Variants in CFAP77 observed in about 807,000 individuals in gnomAD.
CFAP77 encodes cilia and flagella associated protein 77.
A neutral mutation model predicts 31.1 loss-of-function variants in CFAP77; 25 were observed. The ratio of observed to expected loss-of-function variants is 0.80; its 90% CI spans 0.59 to 1.12. The LOEUF (loss-of-function observed/expected upper bound fraction) is 1.12, where lower values mean the gene tolerates loss of function less well. CFAP77 is among the 50% of genes most tolerant of loss of function. CFAP77 has a pLI of 0.00. For missense variants in CFAP77, 377 were observed against 397.3 expected (o/e 0.95, Z 0.44); for synonymous variants, 151 against 159.9 (o/e 0.94, Z 0.42).
At chr9:132,467,875 GT>G (rs988789360) in intron 1 of CFAP77, among the ~76,000 whole-genome samples, 3 of 151,982 alleles carry the variant, frequency 2.0e-5, no homozygotes, top group Non-Finnish European at 2.9e-5. Flanking sequence ...TCTGGGTTTG[GT>G]TTTTTTCTTT....
intron 5 of CFAP77, among the ~76,000 whole-genome samples, chr9:132,549,086 A>C (rs1852781876): frequency 6.6e-6 from 1 of 152,140 alleles, no homozygotes; most frequent in South Asian, 2.1e-4. Context: ...GAATCTAAGA[A>C]AAGGATTTTC....
rs1852029273 is a variant in CFAP77 at position 132,511,092 on chromosome 9, T to G, written c.524+11492T>G. Among the ~76,000 whole-genome samples, 1 of 152,106 alleles carries G rather than the reference T, an allele frequency of 6.6e-6. No homozygotes were observed. Among genetic ancestry groups the G allele is most frequent in the Non-Finnish European group, 1.5e-5 (1 of 68,018 alleles). ...GCATTGTGGTGCTGGGTGTTTGGGA[T>G]ACAGAGAAAATAAAACACAAAACAA... On this transcript the variant is annotated intron_variant, in intron 3 of 5. Coordinates refer to ENST00000393216, the MANE Select transcript of CFAP77 (RefSeq NM_001282957.2). The surrounding 1 kb of genome is among the most constrained non-coding windows in gnomAD (Gnocchi z 5.8).
intron 3 of CFAP77, among the ~76,000 whole-genome samples, chr9:132,514,961 C>A (rs1037913404): frequency 2.6e-5 from 4 of 152,172 alleles, no homozygotes; most frequent in Non-Finnish European, 4.4e-5. Flanking sequence ...GAGCTCAGCC[C>A]CCCAGCCCGC....
chr9:132,425,985 G>A (rs1850305844), intron 1 of CFAP77, among the ~76,000 whole-genome samples: 1 of 152,146 alleles, frequency 6.6e-6, no homozygotes, highest in Non-Finnish European at 1.5e-5. Context: ...TTATACCATT[G>A]AAAATCTACA....
At chr9:132,466,110 A>G (rs1285812290) in intron 1 of CFAP77, among the ~76,000 whole-genome samples, 1 of 152,036 alleles carries the variant, frequency 6.6e-6, no homozygotes, top group African/African-American at 2.4e-5. Context: ...TTTTAAAGAC[A>G]TGGTCTTGCT....
At chr9:132,536,343 A>T (rs1419535486) in intron 3 of CFAP77, among the ~76,000 whole-genome samples, 1 of 151,116 alleles carries the variant, frequency 6.6e-6, no homozygotes, top group Non-Finnish European at 1.5e-5. Context: ...TACTGTACAA[A>T]ATGGGCTGGT....
rs1851450752 is a variant in CFAP77, at chr9:132,481,869, T to A, written c.196-16826T>A. Among the ~76,000 whole-genome samples, 1 of 147,234 alleles carries A rather than the reference T, an allele frequency of 6.8e-6. No individual in the cohort carries two copies. Among genetic ancestry groups the A allele is most frequent in the East Asian group, 2.0e-4 (1 of 5,006 alleles). ...ATTGACATGGAAATAAAACTTACAA[T>A]CAATAAGATATTATGAAATATACAT... On this transcript the variant is annotated intron_variant, in intron 1 of 5. Coordinates refer to ENST00000393216, the MANE Select transcript of CFAP77 (RefSeq NM_001282957.2). This position sits in a 1 kb window ranked among gnomAD's most constrained non-coding sequence, Gnocchi z 5.0.
rs897312770 is a variant in CFAP77, at chr9:132,572,992, C to T, written c.*482C>T. On this transcript the variant is annotated 3_prime_UTR_variant, in exon 6 of 6. Coordinates refer to ENST00000393216, the MANE Select transcript of CFAP77 (RefSeq NM_001282957.2). ...GCTCTTTTTGGGATGCCTGATGTCT[C>T]ATCACGGCAGTATTATCTCTCTGGG... is the stretch of plus-strand genomic sequence containing the variant. The T allele has an allele frequency of 6.4e-6, 1 of 156,526 alleles. No homozygotes were observed. Among genetic ancestry groups the T allele is most frequent in the African/African-American group, 2.4e-5 (1 of 41,492 alleles). The allele number at this position is 156,526 out of a possible 1,614,324, so 9.7% of individuals were successfully genotyped here.
chr9:132,453,448 C>A (rs1850863688), intron 1 of CFAP77, among the ~76,000 whole-genome samples: 1 of 152,172 alleles, frequency 6.6e-6, no homozygotes, highest in South Asian at 2.1e-4. Flanking sequence ...ATTGCTTGAA[C>A]CCGGGAGGCG....
At chr9:132,524,578 A>T (rs1370945677) in intron 3 of CFAP77, among the ~76,000 whole-genome samples, 1 of 151,822 alleles carries the variant, frequency 6.6e-6, no homozygotes, top group Non-Finnish European at 1.5e-5. Flanking sequence ...GTGCCACTGC[A>T]CTTCATCCTG....
At chr9:132,562,302 T>C (rs1829826425) in intron 5 of CFAP77, among the ~76,000 whole-genome samples, 1 of 152,174 alleles carries the variant, frequency 6.6e-6, no homozygotes, top group Admixed American at 6.5e-5. Context: ...AATAGTCCCA[T>C]AGAAATAAAA....
In CFAP77 at chr9:132,482,425, T is replaced by C. The variant is rs1282327236; in HGVS notation, c.196-16270T>C. ...ATCAAAGGAGGCCCACAGGTGTTTCTTCCTTCTGCTAAAATAATGTCACCC... is the reference window on the plus strand; with the variant it reads ...ATCAAAGGAGGCCCACAGGTGTTTCCTCCTTCTGCTAAAATAATGTCACCC... On this transcript the variant is annotated intron_variant, in intron 1 of 5. Transcript: ENST00000393216. 1.9e-6 allele frequency: 3 copies of C among 1,603,850 alleles called. No individual in the cohort carries two copies. The African/African-American group carries it at 4.0e-5, about 21-fold the overall frequency.
chr9:132,534,750 T>A (rs1274466073), intron 3 of CFAP77, among the ~76,000 whole-genome samples: 1 of 152,190 alleles, frequency 6.6e-6, no homozygotes, highest in Non-Finnish European at 1.5e-5. Context: ...ACCTCCAAAC[T>A]GCACAAGGAG....
At chr9:132,432,239 T>G (rs977371622) in intron 1 of CFAP77, among the ~76,000 whole-genome samples, 11 of 152,106 alleles carry the variant, frequency 7.2e-5, no homozygotes, top group African/African-American at 2.7e-4. Flanking sequence ...AGCCTGGATC[T>G]GGGGGAGGGC....
chr9:132,428,993 G>A (rs1850360177), intron 1 of CFAP77, among the ~76,000 whole-genome samples: 1 of 152,128 alleles, frequency 6.6e-6, no homozygotes, highest in African/African-American at 2.4e-5. Flanking sequence ...TCACTAGAGT[G>A]TCACCCTGCA....
At chr9:132,542,204 C>T (rs1015687338) in intron 4 of CFAP77, among the ~76,000 whole-genome samples, 2 of 152,224 alleles carry the variant, frequency 1.3e-5, no homozygotes, top group African/African-American at 4.8e-5. Flanking sequence ...GTGGCTCTGG[C>T]CATAGCCAAT....
chr9:132,542,428 CTG>C (rs1852660371), intron 4 of CFAP77, among the ~76,000 whole-genome samples: 1 of 152,234 alleles, frequency 6.6e-6, no homozygotes, highest in African/African-American at 2.4e-5. Context: ...GGGGCTTCCA[CTG>C]TGTCTCTGAA....
chr9:132,556,090 G>A (rs1179067319), intron 5 of CFAP77, among the ~76,000 whole-genome samples: 1 of 152,094 alleles, frequency 6.6e-6, no homozygotes, highest in Admixed American at 6.5e-5. Context: ...TCTTCATACT[G>A]AGACAATGTA....
intron 1 of CFAP77, among the ~76,000 whole-genome samples, chr9:132,412,886 C>T (rs1850033157): frequency 1.3e-5 from 2 of 151,992 alleles, no homozygotes; most frequent in Admixed American, 1.3e-4. Context: ...TGGATTTCTT[C>T]ATTGTGGCAT....
Sources: gnomAD v4.1 joint callset for allele counts (sites outside exome capture counted in the v4.1 genomes callset) on GRCh38, gnomAD v4.1.1 for gene constraint, Gnocchi (gnomAD v3.1) non-coding constraint, MANE v1.5 for transcripts, NCBI Gene and HGNC (gene_info 2026-07-23, HGNC 2026-07-21) for gene names.